Variants in ASF1A observed in about 807,000 individuals in gnomAD.
ASF1A encodes the protein histone chaperone ASF1A.
In ASF1A, 5 loss-of-function variants were observed where a neutral mutation model predicts 22.0. The observed-to-expected ratio is 0.23, with a 90% CI of 0.12 to 0.48. The LOEUF (loss-of-function observed/expected upper bound fraction) is 0.48, where lower values mean the gene tolerates loss of function less well. Ranked by LOEUF, ASF1A falls within the 20% of genes least tolerant of loss-of-function variation. The pLI is 0.99. For missense variants in ASF1A, 137 were observed against 240.6 expected (o/e 0.57, Z 2.85); for synonymous variants, 97 against 86.7 (o/e 1.12, Z -0.66).
At chr6:118,899,207 A>G (rs1461406412) in intron 1 of ASF1A, among the ~76,000 whole-genome samples, 2 of 152,206 alleles carry the variant, frequency 1.3e-5, no homozygotes, top group African/African-American at 2.4e-5. Flanking sequence ...ACAGCAATCA[A>G]AGCATTCCTT....
intron 1 of ASF1A, among the ~76,000 whole-genome samples, chr6:118,898,951 G>T (rs905223398): frequency 6.6e-6 from 1 of 151,846 alleles, no homozygotes; most frequent in Non-Finnish European, 1.5e-5. Context: ...TTTTTATCCT[G>T]CCTATTCAGT....
At position 118,908,245 on chromosome 6, in the gene ASF1A, A is replaced by G. The variant is rs1583628208; in HGVS notation, c.*631A>G. ...AGAACAAATATGGCTAATTGTTAAT[A>G]AGGTCCCCTGGCTATGGTTTTTGTT... On this transcript the variant is annotated 3_prime_UTR_variant, in exon 4 of 4. Transcript: ENST00000229595. The G allele has an allele frequency of 6.6e-6, 1 of 152,272 alleles. No homozygotes were observed. Among genetic ancestry groups the G allele is most frequent in the East Asian group, 1.9e-4 (1 of 5,184 alleles). 9.4% of individuals were successfully genotyped at this position (152,272 alleles called of 1,614,324 possible). A position where few individuals can be genotyped will look rare whatever the true frequency, so the allele number is the denominator to read the frequency against.
rs1562432473 is a variant in ASF1A at position 118,905,839 on chromosome 6, T to A, written c.402+11T>A. The A allele has an allele frequency of 6.4e-7, 1 of 1,556,074 alleles. No homozygotes were observed. Among genetic ancestry groups the A allele is most frequent in the South Asian group, 1.2e-5 (1 of 83,994 alleles). On this transcript the variant is annotated intron_variant, in intron 3 of 3. Transcript: ENST00000229595. ...CCAGACTTTTCTAAGGTAATGTTCTTACTATTCCTTTTTAACTACTTTTAC... is the reference window on the plus strand; with the variant it reads ...CCAGACTTTTCTAAGGTAATGTTCTAACTATTCCTTTTTAACTACTTTTAC...
intron 1 of ASF1A, among the ~76,000 whole-genome samples, chr6:118,895,426 C>T (rs1779326248): frequency 6.6e-6 from 1 of 152,212 alleles, no homozygotes; most frequent in African/African-American, 2.4e-5. Flanking sequence ...ATTTCCAGGA[C>T]TTAATCTCTG....
intron 1 of ASF1A, among the ~76,000 whole-genome samples, chr6:118,897,768 T>G (rs1779527201): frequency 6.6e-6 from 1 of 152,040 alleles, no homozygotes; most frequent in South Asian, 2.1e-4. Context: ...GTAAAACATC[T>G]GACCTTACCC....
At position 118,894,207 on chromosome 6, in the gene ASF1A, G is replaced by A. The variant is rs1779177083; in HGVS notation, c.-207G>A. ...GCTGCTACTTATCAGAGCAGAATGG[G>A]CTGTAGTTTAGTGAAATAGGAAAGC... On this transcript the variant is annotated 5_prime_UTR_variant, in exon 1 of 4. Coordinates refer to ENST00000229595, the MANE Select transcript of ASF1A (RefSeq NM_014034.3). The A allele has an allele frequency of 1.4e-6, 2 of 1,400,610 alleles. No individual in the cohort carries two copies. The highest frequency in any genetic ancestry group is 1.9e-6 in the Non-Finnish European group (2 of 1,079,888). The allele number at this position is 1,400,610 out of a possible 1,614,324, so 86.8% of individuals were successfully genotyped here.
chr6:118,899,036 C>T (rs1779624899), intron 1 of ASF1A, among the ~76,000 whole-genome samples: 1 of 152,290 alleles, frequency 6.6e-6, no homozygotes, highest in South Asian at 2.1e-4. Flanking sequence ...CACATCACCT[C>T]CCTGCAAAAG....
intron 2 of ASF1A, chr6:118,901,182 A>G: frequency 4.4e-6 from 1 of 224,860 alleles, no homozygotes; most frequent in East Asian, 9.5e-5. Flanking sequence ...TCTTCCTGTG[A>G]ATAGCACCTC....
intron 2 of ASF1A, among the ~76,000 whole-genome samples, chr6:118,902,201 T>C (rs1383811606): frequency 2.0e-5 from 3 of 152,204 alleles, no homozygotes; most frequent in East Asian, 1.9e-4. Flanking sequence ...ACTGCAGTTA[T>C]AGATATAGGT....
intron 1 of ASF1A, among the ~76,000 whole-genome samples, chr6:118,894,960 C>G (rs1562427155): frequency 1.3e-5 from 2 of 152,140 alleles, no homozygotes; most frequent in Admixed American, 6.5e-5. Flanking sequence ...GCCATCTTAC[C>G]CCGAGTCGAG....
Position 118,900,971 on chromosome 6 carries a change from T to C in ASF1A, c.225+90T>C. 4 of 954,410 alleles carry C rather than the reference T, an allele frequency of 4.2e-6. No homozygotes were observed. The South Asian group carries it at 4.4e-5, about 10-fold the overall frequency. The allele number at this position is 954,410 out of a possible 1,614,324, so 59.1% of individuals were successfully genotyped here. A position where few individuals can be genotyped will look rare whatever the true frequency, so the allele number is the denominator to read the frequency against. Reference sequence around the variant, plus strand: ...TCTTATAACCCTTATCCCTTTCCTTTTGGGTTAAAGAACTGCTTCTGCTGC... The same window carrying C: ...TCTTATAACCCTTATCCCTTTCCTTCTGGGTTAAAGAACTGCTTCTGCTGC... On this transcript the variant is annotated intron_variant, in intron 2 of 3. Coordinates refer to ENST00000229595, the MANE Select transcript of ASF1A (RefSeq NM_014034.3).
At position 118,905,710 on chromosome 6, in the gene ASF1A, T is replaced by G. The variant is rs1780136177; in HGVS notation, c.284T>G (p.Val95Gly). ...PDADAVGVTV[V>G]LITCTYRGQE... is the part of the protein sequence containing the mutation. ...GCAGATGCAGTAGGCGTAACTGTTG[T>G]GCTAATTACTTGTACCTATCGAGGA... The change falls in exon 3 of 4, where the codon GTG becomes GGG. Residue 95 changes from valine (V) to glycine (G), a missense_variant. Val to Gly is a moderately radical substitution (Grantham distance 109, BLOSUM62 -3). Transcript: ENST00000229595. The G allele has an allele frequency of 6.2e-7, 1 of 1,613,692 alleles. No homozygotes were observed.
At chr6:118,902,417 T>G (rs970901029) in intron 2 of ASF1A, among the ~76,000 whole-genome samples, 2 of 152,132 alleles carry the variant, frequency 1.3e-5, no homozygotes, top group African/African-American at 4.8e-5. Context: ...TTCTTGAAAT[T>G]GTTATATAAA....
chr6:118,901,435 A>G (rs1779793189), intron 2 of ASF1A, among the ~76,000 whole-genome samples: 1 of 152,190 alleles, frequency 6.6e-6, no homozygotes, highest in Non-Finnish European at 1.5e-5. Flanking sequence ...AGAGTTTACT[A>G]AAGCATCTTA....
chr6:118,899,895 G>C (rs888977484), intron 1 of ASF1A, among the ~76,000 whole-genome samples: 2 of 152,164 alleles, frequency 1.3e-5, no homozygotes, highest in Non-Finnish European at 2.9e-5. Flanking sequence ...AAGATGAAGA[G>C]GTCTCTCAGA....
chr6:118,905,020 T>A (rs1026796252), intron 2 of ASF1A, among the ~76,000 whole-genome samples: 7 of 152,154 alleles, frequency 4.6e-5, no homozygotes, highest in African/African-American at 1.7e-4. Context: ...GTGTTTTTAA[T>A]AGAGATGGGG....
chr6:118,897,543 T>C (rs1404024360), intron 1 of ASF1A, among the ~76,000 whole-genome samples: 2 of 152,164 alleles, frequency 1.3e-5, no homozygotes, highest in African/African-American at 2.4e-5. Context: ...CAGCTTGTTC[T>C]AATTCCAAAG....
In ASF1A at chr6:118,905,785, C is replaced by T; in HGVS notation, c.359C>T (p.Thr120Ile). Reference sequence around the variant, plus strand: ...TATGTAAATAATGAATATACTGAGACAGAATTAAGGGAAAATCCACCAGTA... The same window carrying T: ...TATGTAAATAATGAATATACTGAGATAGAATTAAGGGAAAATCCACCAGTA... ...GYYVNNEYTE[T>I]ELRENPPVKP... Residue 120 changes from threonine to isoleucine, a missense_variant, in exon 3 of 4, where the codon ACA becomes ATA. Around this residue, in one of 2 missense-constraint regions of ASF1A, gnomAD observed 96 missense variants for 196.7 expected, o/e 0.49. Transcript: ENST00000229595. 1 of 1,611,536 alleles carries T rather than the reference C, an allele frequency of 6.2e-7. No homozygotes were observed. The highest frequency in any genetic ancestry group is 1.1e-5 in the South Asian group (1 of 90,576).
intron 1 of ASF1A, among the ~76,000 whole-genome samples, chr6:118,895,910 A>G (rs6931423): frequency 0.55 from 84,124 of 151,886 alleles, 23,988 homozygotes; most frequent in East Asian, 0.65. Context: ...TAATTATAAA[A>G]CAATATATAT....
Sources: gnomAD v4.1 joint callset for allele counts (sites outside exome capture counted in the v4.1 genomes callset) on GRCh38, gnomAD v4.1.1 for gene constraint, gnomAD v4.1.1 regional missense constraint, MANE v1.5 for transcripts, NCBI Gene and HGNC (gene_info 2026-07-23, HGNC 2026-07-21) for gene names.